The following CERS4 variants were observed in gnomAD, a reference collection of about 807,000 sequenced individuals.
CERS4 encodes ceramide synthase 4.
In CERS4, 65 loss-of-function variants were observed where a neutral mutation model predicts 51.8. The observed-to-expected ratio is 1.26, with a 90% CI of 1.03 to 1.54. CERS4 has a LOEUF of 1.54. Among genes scored for constraint, CERS4 ranks in the 40% most tolerant of loss-of-function variants. CERS4 has a pLI of 0.00. For synonymous variants in CERS4, 228 were observed against 208.4 expected, an observed-to-expected ratio of 1.09 and a Z score of -0.81; for missense variants, 563 against 500.4, an observed-to-expected ratio of 1.13 and a Z score of -1.19.
At chr19:8,235,978 G>A (rs574800371) in intron 2 of CERS4, among the ~76,000 whole-genome samples, 4 of 151,902 alleles carry the variant, frequency 2.6e-5, no homozygotes, top group Non-Finnish European at 4.4e-5. Context: ...GGCAGATCAC[G>A]AGGTCAGGAG....
At chr19:8,213,672 G>A (rs973863956) in intron 2 of CERS4, among the ~76,000 whole-genome samples, 4 of 151,946 alleles carry the variant, frequency 2.6e-5, no homozygotes, top group Non-Finnish European at 4.4e-5. Context: ...TCTGACCAGA[G>A]TAGCATAGAG....
chr19:8,235,262 C>T (rs1218792514), intron 2 of CERS4, among the ~76,000 whole-genome samples: 1 of 151,152 alleles, frequency 6.6e-6, no homozygotes, highest in Non-Finnish European at 1.5e-5. Flanking sequence ...CCCCCTCAGC[C>T]TCCCAAAGTG....
intron 10 of CERS4, among the ~76,000 whole-genome samples, chr19:8,260,254 G>A (rs183632105): frequency 6.6e-6 from 1 of 151,970 alleles, no homozygotes; most frequent in Non-Finnish European, 1.5e-5. Flanking sequence ...GAGTGCAATG[G>A]CGTGATCTCA....
At chr19:8,245,140 C>T (rs1167087282) in intron 2 of CERS4, among the ~76,000 whole-genome samples, 3 of 28,726 alleles carry the variant, frequency 1.0e-4, no homozygotes, top group African/African-American at 3.4e-4. Flanking sequence ...AAAAAACACT[C>T]TTGGCTTCAA....
intron 2 of CERS4, among the ~76,000 whole-genome samples, chr19:8,217,559 T>C (rs1453473295): frequency 7.0e-6 from 1 of 143,816 alleles, no homozygotes; most frequent in East Asian, 2.1e-4. Context: ...TTTTTTGAGA[T>C]GGAGTCTCGC....
intron 1 of CERS4, 184 bp downstream of exon 1, chr19:8,209,678 A>C (rs1568490645): frequency 6.6e-6 from 1 of 152,344 alleles, no homozygotes; most frequent in Admixed American, 6.5e-5. Context: ...TCCCCGAGCT[A>C]TCCGCGCTCC....
chr19:8,241,329 T>C (rs1968530120), intron 2 of CERS4: 1 of 152,368 alleles, frequency 6.6e-6, no homozygotes, highest in Admixed American at 6.5e-5. Flanking sequence ...GGGGGGTTTT[T>C]TTCCGAAACA....
intron 10 of CERS4, among the ~76,000 whole-genome samples, chr19:8,259,990 TGAG>T (rs958286815): frequency 4.0e-4 from 61 of 151,938 alleles, no homozygotes; most frequent in African/African-American, 1.4e-3. Context: ...TTTCAAGGCC[TGAG>T]GAGATTAGGC....
At chr19:8,254,845 C>T (rs74670857) in intron 4 of CERS4, among the ~76,000 whole-genome samples, 2,390 of 152,068 alleles carry the variant, frequency 0.016, 64 homozygotes, top group African/African-American at 0.055. Context: ...ACATGGAGCC[C>T]CACCCTTCCA....
At chr19:8,224,552 A>T (rs1967706975) in intron 2 of CERS4, among the ~76,000 whole-genome samples, 1 of 152,062 alleles carries the variant, frequency 6.6e-6, no homozygotes, top group South Asian at 2.1e-4. Flanking sequence ...AGTCGTGAAG[A>T]GCTGGGAGGA....
intron 4 of CERS4, among the ~76,000 whole-genome samples, chr19:8,255,152 T>C (rs1195396146): frequency 6.6e-6 from 1 of 151,960 alleles, no homozygotes; most frequent in Non-Finnish European, 1.5e-5. Context: ...GGGTGGGGAA[T>C]GGTGAAGACC....
Position 8,258,003 on chromosome 19 carries a change from TG to T in CERS4, c.848+23del. ...CCCACCCAGTGAGTCAGCCCTCCCA[TG>T]GGGGTCAGGGAGGTGGGAGGGCGTG... On this transcript the variant is annotated intron_variant, in intron 10 of 11. Coordinates refer to ENST00000251363, the MANE Select transcript of CERS4 (RefSeq NM_024552.3). 1 of 1,582,976 alleles carries T rather than the reference TG, an allele frequency of 6.3e-7. No homozygotes were observed. The highest frequency in any genetic ancestry group is 8.7e-7 in the Non-Finnish European group (1 of 1,152,284).
At chr19:8,244,313 A>C (rs1968662651) in intron 2 of CERS4, among the ~76,000 whole-genome samples, 1 of 152,182 alleles carries the variant, frequency 6.6e-6, no homozygotes, top group Non-Finnish European at 1.5e-5. Context: ...CTATGATTGC[A>C]CCGCTGCATT....
chr19:8,228,716 A>C, intron 2 of CERS4, among the ~76,000 whole-genome samples: 2 of 55,618 alleles, frequency 3.6e-5, no homozygotes, highest in African/African-American at 7.6e-5. Flanking sequence ...CCTTAAACCC[A>C]CTCCTTATAA....
chr19:8,249,716 G>A lies in CERS4; in HGVS notation c.-1-1360G>A, dbSNP rs557441778. Among the ~76,000 whole-genome samples the A allele has an allele frequency of 2.1e-5, 3 of 143,100 alleles. No homozygotes were observed. In the Admixed American group the frequency reaches 2.3e-4, roughly 11 times the overall value. The allele number at this position is 143,100 out of a possible 152,430, so 93.9% of individuals were successfully genotyped here. A position where few individuals can be genotyped will look rare whatever the true frequency, so the allele number is the denominator to read the frequency against. On this transcript the variant is annotated intron_variant, in intron 2 of 11. Transcript: ENST00000251363. ...AAGCAATTCTCTGCCTCAGCCTCCC[G>A]AGTAGCTGGGATTACAGGCGCACAC...
chr19:8,251,800 T>TTA (rs1555778671), intron 3 of CERS4, among the ~76,000 whole-genome samples: 8 of 144,160 alleles, frequency 5.5e-5, no homozygotes, highest in African/African-American at 7.8e-5. Flanking sequence ...CAAGACTCCA[T>TTA]AAAAAAAAAA....
intron 10 of CERS4, among the ~76,000 whole-genome samples, chr19:8,258,702 C>T (rs572238038): frequency 4.6e-5 from 7 of 152,274 alleles, no homozygotes; most frequent in African/African-American, 1.4e-4. Flanking sequence ...ATTAGCCGGA[C>T]GTGATGGTGC....
chr19:8,232,119 G>A lies in CERS4; in HGVS notation c.-1-18957G>A, dbSNP rs146900816. Reference sequence around the variant, plus strand: ...CAGTGGAATTATAGGCATGAGTTACGACACCCGGCCCTATCCTCTTAATCT... The same window carrying A: ...CAGTGGAATTATAGGCATGAGTTACAACACCCGGCCCTATCCTCTTAATCT... On this transcript the variant is annotated intron_variant, in intron 2 of 11. Transcript: ENST00000251363. Among the ~76,000 whole-genome samples, 1,284 of 150,594 alleles carry A rather than the reference G, an allele frequency of 8.5e-3. 14 individuals carry two copies. Among genetic ancestry groups the A allele is most frequent in the Non-Finnish European group, 0.012 (803 of 67,712 alleles).
Position 8,256,514 on chromosome 19 carries a change from T to C in CERS4, c.520-104T>C, listed in dbSNP as rs1397309923. The stretch of plus-strand genomic sequence containing the variant: ...GGGATGGGGAGCTCACTCATTGGGA[T>C]TCAAGTATCCTGGTTTTGAGCAAAC... On this transcript the variant is annotated intron_variant, in intron 7 of 11. Coordinates refer to ENST00000251363, the MANE Select transcript of CERS4 (RefSeq NM_024552.3). 4.3e-6 allele frequency: 5 copies of C among 1,164,590 alleles called. No homozygotes were observed. The East Asian group carries it at 7.1e-5, about 17-fold the overall frequency. The allele number at this position is 1,164,590 out of a possible 1,614,324, so 72.1% of individuals were successfully genotyped here. A position where few individuals can be genotyped will look rare whatever the true frequency, so the allele number is the denominator to read the frequency against.
Sources: gnomAD v4.1 joint callset for allele counts (sites outside exome capture counted in the v4.1 genomes callset) on GRCh38, gnomAD v4.1.1 for gene constraint, MANE v1.5 for transcripts, NCBI Gene and HGNC (gene_info 2026-07-23, HGNC 2026-07-21) for gene names.